DMD: variants seen among roughly 807,000 people sequenced by gnomAD.
DMD encodes dystrophin.
A neutral mutation model predicts 330.1 loss-of-function variants in DMD; 63 were observed. The ratio of observed to expected loss-of-function variants is 0.19; its 90% CI spans 0.16 to 0.24. DMD has a LOEUF of 0.24. DMD is among the 10% of genes least tolerant of loss of function. The probability of loss-of-function intolerance (pLI) is 1.00; values close to 1 mark genes in which losing one functional copy is unlikely to be tolerated. For synonymous variants in DMD, 1,223 were observed against 959.8 expected (o/e 1.27, Z -5.07); for missense variants, 3,344 against 2,684.1 (o/e 1.25, Z -5.43).
intron 16 of DMD, among the ~76,000 whole-genome samples, chrX:32,558,244 T>A (rs1274664275): frequency 9.0e-6 from 1 of 111,691 alleles, no homozygotes; most frequent in Non-Finnish European, 1.9e-5. Context: ...TTTGAGCAAC[T>A]GTGTGAATTA....
Position 32,394,921 on chromosome X carries a change from A to AAAAAAAAAAAAAAC in DMD, c.4234-4741_4234-4740insGTTTTTTTTTTTTT, listed in dbSNP as rs1557326840. ...AAGAGCAAAAAACAAAAAAACAAAA[A>AAAAAAAAAAAAAAC]AAAAAAAAAAAAGAAAAGAAATCAT... On this transcript the variant is annotated intron_variant, in intron 30 of 78. Transcript: ENST00000357033. Among the ~76,000 whole-genome samples the AAAAAAAAAAAAAAC allele has an allele frequency of 3.1e-5, 2 of 63,751 alleles. 1 individual carries two copies. Among genetic ancestry groups the AAAAAAAAAAAAAAC allele is most frequent in the Non-Finnish European group, 6.0e-5 (2 of 33,554 alleles). 55.4% of individuals were successfully genotyped at this position (63,751 alleles called of 115,157 possible). A position where few individuals can be genotyped will look rare whatever the true frequency, so the allele number is the denominator to read the frequency against.
At chrX:32,557,970 AATTT>A (rs1479522251) in intron 16 of DMD, among the ~76,000 whole-genome samples, 2 of 110,102 alleles carry the variant, frequency 1.8e-5, no homozygotes, top group African/African-American at 3.3e-5. Context: ...ATTAATAATT[AATTT>A]ATTACTGTAA....
At chrX:31,704,683 C>T (rs5927813) in intron 52 of DMD, among the ~76,000 whole-genome samples, 46,412 of 110,281 alleles carry the variant, frequency 0.42, 7,877 homozygotes, top group African/African-American at 0.61. Context: ...GACACACATA[C>T]GTTGCCAGAA....
intron 43 of DMD, among the ~76,000 whole-genome samples, chrX:32,240,346 C>A: frequency 9.0e-6 from 1 of 111,178 alleles, no homozygotes; most frequent in East Asian, 2.8e-4. Flanking sequence ...CCAAAGCCAT[C>A]CAGAATGAGA....
chrX:32,791,713 G>T (rs2075835473), intron 7 of DMD, among the ~76,000 whole-genome samples: 1 of 111,760 alleles, frequency 8.9e-6, no homozygotes, highest in African/African-American at 3.3e-5. Context: ...TTAAAAAAAT[G>T]AGCAAAGCCT....
intron 76 of DMD, among the ~76,000 whole-genome samples, chrX:31,136,736 A>C (rs1356056572): frequency 8.9e-6 from 1 of 112,606 alleles, no homozygotes; most frequent in South Asian, 3.7e-4. Context: ...TCAAAGATCA[A>C]ATTATAAAGT....
intron 60 of DMD, among the ~76,000 whole-genome samples, chrX:31,382,784 A>G (rs911430667): frequency 9.0e-6 from 1 of 110,933 alleles, no homozygotes; most frequent in Non-Finnish European, 1.9e-5. Flanking sequence ...TTCCCACGCC[A>G]CCCCTGATCC....
intron 4 of DMD, among the ~76,000 whole-genome samples, chrX:32,833,695 A>T (rs1171046627): frequency 4.8e-5 from 2 of 41,704 alleles, no homozygotes; most frequent in Non-Finnish European, 1.2e-4. Flanking sequence ...TTTCAAGTAA[A>T]AAAAAAAAAA....
chrX:32,419,750 T>C (rs567476795), intron 29 of DMD, among the ~76,000 whole-genome samples: 37 of 111,600 alleles, frequency 3.3e-4, no homozygotes, highest in African/African-American at 9.5e-4. Flanking sequence ...ACTTCACCTG[T>C]TTTAGGTTTT....
chrX:31,324,393 G>GT (rs66570132), intron 61 of DMD, among the ~76,000 whole-genome samples: 122 of 94,965 alleles, frequency 1.3e-3, no homozygotes, highest in Middle Eastern at 5.3e-3. Context: ...TCTTTGCATT[G>GT]TTTTTTTTTT....
In DMD at chrX:32,092,117, A is replaced by T. The variant is rs943696178; in HGVS notation, c.6439-123603T>A. On this transcript the variant is annotated intron_variant, in intron 44 of 78. Transcript: ENST00000357033. Reference sequence around the variant, plus strand: ...TCAGGATGAAAAGGCTGGCTTAGAGACATGTTCTGGGTTCAATTTCCAGTG... The same window carrying T: ...TCAGGATGAAAAGGCTGGCTTAGAGTCATGTTCTGGGTTCAATTTCCAGTG... Among the ~76,000 whole-genome samples the T allele has an allele frequency of 6.3e-5, 7 of 111,544 alleles. No homozygotes were observed. In the South Asian group the frequency reaches 2.6e-3, roughly 42 times the overall value.
At chrX:31,462,461 A>T (rs918058946) in intron 59 of DMD, among the ~76,000 whole-genome samples, 1 of 111,525 alleles carries the variant, frequency 9.0e-6, no homozygotes, top group Non-Finnish European at 1.9e-5. Flanking sequence ...AACAAGAGCG[A>T]AACTCCATCT....
chrX:31,955,628 A>G (rs917650369), intron 45 of DMD, among the ~76,000 whole-genome samples: 2 of 111,672 alleles, frequency 1.8e-5, no homozygotes, highest in Non-Finnish European at 3.8e-5. Flanking sequence ...CATTTGTAAA[A>G]CTCTTATCAA....
chrX:32,809,919 CAAAAAAAAAAA>C (rs55898363), intron 6 of DMD, among the ~76,000 whole-genome samples: 4 of 28,662 alleles, frequency 1.4e-4, no homozygotes, highest in Non-Finnish European at 1.7e-4. Context: ...TTGTTTCTAC[CAAAAAAAAAAA>C]AAAAAAAAAA....
chrX:33,111,504 T>C (rs1249711366), intron 1 of DMD, among the ~76,000 whole-genome samples: 1 of 112,383 alleles, frequency 8.9e-6, no homozygotes, highest in African/African-American at 3.2e-5. Context: ...ATTTTTAGCA[T>C]AATATTTGGT....
chrX:32,331,645 C>T (rs2097680640), intron 41 of DMD, among the ~76,000 whole-genome samples: 1 of 111,128 alleles, frequency 9.0e-6, no homozygotes, highest in African/African-American at 3.3e-5. Flanking sequence ...ATTACTGTAA[C>T]ATTAATTCAG....
intron 2 of DMD, among the ~76,000 whole-genome samples, chrX:32,997,306 C>T (rs1023449241): frequency 9.3e-6 from 1 of 107,528 alleles, no homozygotes; most frequent in Non-Finnish European, 1.9e-5. Context: ...AGTGCAGTGG[C>T]GCGATCTCGG....
rs779970558 is a variant in DMD at position 32,227,178 on chromosome X, A to G, written c.6291-10115T>C. On this transcript the variant is annotated intron_variant, in intron 43 of 78. Transcript: ENST00000357033. ...AGAATATGTGGAGATATATCTCCAC[A>G]TATTCTTTTATTTATATGTGTGTGA... Among the ~76,000 whole-genome samples the G allele has an allele frequency of 1.1e-3, 106 of 99,398 alleles. 1 individual carries two copies. The highest frequency in any genetic ancestry group is 3.6e-3 in the African/African-American group (101 of 27,949). The allele number at this position is 99,398 out of a possible 115,157, so 86.3% of individuals were successfully genotyped here. A position where few individuals can be genotyped will look rare whatever the true frequency, so the allele number is the denominator to read the frequency against.
intron 2 of DMD, among the ~76,000 whole-genome samples, chrX:32,912,778 C>T (rs1253889681): frequency 9.0e-6 from 1 of 111,355 alleles, no homozygotes; most frequent in South Asian, 3.8e-4. Flanking sequence ...TCACGACCAC[C>T]GTTATCTCTG....
Sources: allele counts gnomAD v4.1 joint callset (sites outside exome capture counted in the v4.1 genomes callset), GRCh38; gene constraint gnomAD v4.1.1; transcripts MANE v1.5; gene names NCBI Gene and HGNC (gene_info 2026-07-23, HGNC 2026-07-21).